ASAP2: variants seen among roughly 807,000 people sequenced by gnomAD.
ASAP2 encodes the protein ArfGAP with SH3 domain, ankyrin repeat and PH domain 2, also known as arf-GAP with SH3 domain, ANK repeat and PH domain-containing protein 2.
Under a neutral mutation model 131.4 loss-of-function variants are expected in ASAP2, and 45 were observed. The ratio of observed to expected loss-of-function variants is 0.34; its 90% confidence interval spans 0.27 to 0.44. ASAP2 has a LOEUF of 0.44. ASAP2 is among the 20% of genes least tolerant of loss of function. ASAP2 has a pLI of 1.00. For missense variants in ASAP2, 1,011 were observed against 1,297.0 expected (o/e 0.78, Z 3.39); for synonymous variants, 510 against 503.0 (o/e 1.01, Z -0.19).
intron 3 of ASAP2, among the ~76,000 whole-genome samples, chr2:9,308,265 G>T (rs1488668469): frequency 6.6e-6 from 1 of 152,224 alleles, no homozygotes; most frequent in South Asian, 2.1e-4. Flanking sequence ...AGAAGGTGAA[G>T]GGGGAGCCAG....
chr2:9,276,532 T>C (rs990895115), intron 1 of ASAP2, among the ~76,000 whole-genome samples: 3 of 152,018 alleles, frequency 2.0e-5, no homozygotes, highest in Admixed American at 1.3e-4. Flanking sequence ...TGTGTCATCT[T>C]TTTTTTCTCT....
chr2:9,286,363 A>G lies in ASAP2; in HGVS notation c.199+6974A>G, dbSNP rs1667459843. Among the ~76,000 whole-genome samples, 4 of 152,036 alleles carry G rather than the reference A, an allele frequency of 2.6e-5. No homozygotes were observed. In the South Asian group the frequency reaches 8.3e-4, roughly 32 times the overall value. On this transcript the variant is annotated intron_variant, in intron 2 of 27. Coordinates refer to ENST00000281419, the MANE Select transcript of ASAP2 (RefSeq NM_003887.3). ...CAGTGAGCTGAAACTGCACCACTGC[A>G]CTTCATCCTGGGTGACAGAGTGAGA...
At chr2:9,371,196 A>G (rs558048793) in intron 16 of ASAP2, among the ~76,000 whole-genome samples, 1 of 152,192 alleles carries the variant, frequency 6.6e-6, no homozygotes, top group Non-Finnish European at 1.5e-5. Flanking sequence ...GCTTTTTTCA[A>G]AATGAGGGCG....
chr2:9,314,922 CAAAAAAAAAA>C (rs34360769), intron 3 of ASAP2, among the ~76,000 whole-genome samples: 18 of 102,306 alleles, frequency 1.8e-4, no homozygotes, highest in Non-Finnish European at 2.6e-4. Context: ...GACTCCATCT[CAAAAAAAAAA>C]AAAAAAAAAA....
At chr2:9,252,439 G>T (rs762570905) in intron 1 of ASAP2, among the ~76,000 whole-genome samples, 3 of 152,024 alleles carry the variant, frequency 2.0e-5, no homozygotes, top group Admixed American at 1.3e-4. Context: ...AAAATTAGCT[G>T]GGCATGGTGG....
At chr2:9,318,253 A>G (rs1010447546) in intron 3 of ASAP2, among the ~76,000 whole-genome samples, 1 of 152,218 alleles carries the variant, frequency 6.6e-6, no homozygotes, top group African/African-American at 2.4e-5. Flanking sequence ...CTTCACTGCA[A>G]TGATTGTCTC....
intron 15 of ASAP2, 88 bp downstream of exon 15, chr2:9,358,977 C>T (rs1672900553): frequency 6.9e-7 from 1 of 1,453,456 alleles, no homozygotes; most frequent in Non-Finnish European, 9.3e-7. Context: ...TTTTGGTAAG[C>T]TAGTGGTTGT....
At chr2:9,273,127 T>A (rs780598718) in intron 1 of ASAP2, among the ~76,000 whole-genome samples, 5 of 152,232 alleles carry the variant, frequency 3.3e-5, no homozygotes, top group African/African-American at 4.8e-5. Context: ...AATCTGTAAA[T>A]CGTTCTGGGT....
At chr2:9,284,586 A>G (rs1362267624) in intron 2 of ASAP2, among the ~76,000 whole-genome samples, 2 of 152,194 alleles carry the variant, frequency 1.3e-5, no homozygotes, top group African/African-American at 4.8e-5. Context: ...AATAGGTCAT[A>G]GGATTGCTAG....
intron 1 of ASAP2, among the ~76,000 whole-genome samples, chr2:9,236,613 G>A (rs1237511067): frequency 3.3e-5 from 5 of 152,084 alleles, no homozygotes; most frequent in African/African-American, 1.2e-4. Flanking sequence ...GAGGCAAAGG[G>A]AAATAAAAAC....
rs781162123 is a variant in ASAP2, at chr2:9,391,191, C to G, written c.2513C>G (p.Ser838Cys). ...HPPLPPLRVT[S>C]TNPLTPTPPP... The stretch of plus-strand genomic sequence containing the variant: ...CCGCTGCCCCCTCTTCGCGTGACAT[C>G]TACCAGTACGTTTTTTTCCTTTTTC... Residue 838 changes from serine (S) to cysteine (C), a missense_variant, in exon 23 of 28, where the codon TCT becomes TGT. By Grantham distance (112) the Ser-to-Cys change is moderately radical. This residue lies in a region of ASAP2 where 652 missense variants were observed against 698.9 expected (regional missense o/e 0.93). Coordinates refer to ENST00000281419, the MANE Select transcript of ASAP2 (RefSeq NM_003887.3). 6.2e-7 allele frequency: 1 copy of G among 1,612,088 alleles called. No individual in the cohort carries two copies. Among genetic ancestry groups the G allele is most frequent in the Non-Finnish European group, 8.5e-7 (1 of 1,179,012 alleles).
rs1287789527 is a variant in ASAP2 at position 9,323,263 on chromosome 2, T to A, written c.600+13T>A. 6.2e-7 allele frequency: 1 copy of A among 1,613,744 alleles called. No homozygotes were observed. Among genetic ancestry groups the A allele is most frequent in the Non-Finnish European group, 8.5e-7 (1 of 1,179,888 alleles). ...ACAGATGTGCGAGGTAAGGCGGTGG[T>A]GAAGGCAGGTCCTACAGCCCAGGCT... On this transcript the variant is annotated intron_variant, in intron 6 of 27. Coordinates refer to ENST00000281419, the MANE Select transcript of ASAP2 (RefSeq NM_003887.3).
chr2:9,226,170 C>T (rs148509844), intron 1 of ASAP2, among the ~76,000 whole-genome samples: 4 of 152,296 alleles, frequency 2.6e-5, no homozygotes, highest in East Asian at 3.9e-4. Flanking sequence ...GCCACGTAGA[C>T]GATAATGCTG....
chr2:9,291,230 C>T, intron 2 of ASAP2, among the ~76,000 whole-genome samples: 2 of 124,212 alleles, frequency 1.6e-5, no homozygotes, highest in East Asian at 2.1e-4. Flanking sequence ...TGATTATTTC[C>T]TTAGGATAGA....
At chr2:9,218,699 G>A (rs1237912064) in intron 1 of ASAP2, among the ~76,000 whole-genome samples, 1 of 152,214 alleles carries the variant, frequency 6.6e-6, no homozygotes, top group Non-Finnish European at 1.5e-5. Context: ...GTAACATGGA[G>A]GGTTGGATGC....
intron 16 of ASAP2, among the ~76,000 whole-genome samples, chr2:9,374,012 C>T (rs1052949347): frequency 1.3e-5 from 2 of 152,174 alleles, no homozygotes; most frequent in African/African-American, 4.8e-5. Context: ...TGTGCATTTT[C>T]GCAAGTCAGA....
intron 6 of ASAP2, among the ~76,000 whole-genome samples, chr2:9,324,739 C>T (rs1422729594): frequency 6.6e-6 from 1 of 152,200 alleles, no homozygotes; most frequent in African/African-American, 2.4e-5. Flanking sequence ...TTTTAGGGGA[C>T]ACATTGAAAC....
At chr2:9,296,804 T>C (rs1025961713) in intron 2 of ASAP2, among the ~76,000 whole-genome samples, 1 of 152,070 alleles carries the variant, frequency 6.6e-6, no homozygotes, top group African/African-American at 2.4e-5. Flanking sequence ...GGCCCCTGGG[T>C]AGAGGCTGCA....
chr2:9,376,595 T>C (rs979631517), intron 17 of ASAP2, among the ~76,000 whole-genome samples: 2 of 152,224 alleles, frequency 1.3e-5, no homozygotes, highest in African/African-American at 4.8e-5. Context: ...AGATTCTTGC[T>C]TGCAGGCAGG....
Sources: allele counts gnomAD v4.1 joint callset (sites outside exome capture counted in the v4.1 genomes callset), GRCh38; gene constraint gnomAD v4.1.1; regional missense constraint gnomAD v4.1.1; transcripts MANE v1.5; gene names NCBI Gene and HGNC (gene_info 2026-07-23, HGNC 2026-07-21).